Variants in NLGN1 observed in about 807,000 individuals in gnomAD.
The protein encoded by NLGN1 is neuroligin-1.
In NLGN1, 12 loss-of-function variants were observed where a neutral mutation model predicts 65.5. The ratio of observed to expected loss-of-function variants is 0.18; its 90% CI spans 0.12 to 0.30. The LOEUF (loss-of-function observed/expected upper bound fraction) is 0.30, where lower values mean the gene tolerates loss of function less well. Among genes scored for constraint, NLGN1 ranks in the 10% least tolerant of loss-of-function variants. The pLI is 1.00. For synonymous variants in NLGN1, 350 were observed against 359.5 expected (o/e 0.97, Z 0.30); for missense variants, 750 against 1,007.1 (o/e 0.74, Z 3.46).
intron 4 of NLGN1, among the ~76,000 whole-genome samples, chr3:174,127,765 A>G (rs888176967): frequency 5.3e-5 from 8 of 152,156 alleles, no homozygotes; most frequent in Non-Finnish European, 8.8e-5. Flanking sequence ...TTGAAATGCA[A>G]TAAGTTGGGT....
intron 2 of NLGN1, among the ~76,000 whole-genome samples, chr3:173,467,586 A>G (rs6771377): frequency 0.48 from 73,660 of 151,904 alleles, 20,440 homozygotes; most frequent in East Asian, 0.84. Context: ...AGACATTGCC[A>G]TCTTTATCAT....
At chr3:173,579,485 TAAAC>T (rs972730566) in intron 2 of NLGN1, among the ~76,000 whole-genome samples, 5 of 152,270 alleles carry the variant, frequency 3.3e-5, no homozygotes, top group African/African-American at 4.8e-5. Flanking sequence ...TCAAGATAAA[TAAAC>T]AAACAAACAA....
rs1553773404 is a variant in NLGN1 at position 173,605,047 on chromosome 3, G to GCGAA, written c.450_453dup (p.Asp152ArgfsTer13). 6.2e-7 allele frequency: 1 copy of GCGAA among 1,613,138 alleles called. No homozygotes were observed. ...GTTTCATCATATGTGCAAGACCAGA[G>GCGAA]CGAAGACTGCCTATATTTAAATATA... is the stretch of plus-strand genomic sequence containing the variant. On this transcript the variant is annotated frameshift_variant, in exon 3 of 7. Transcript: ENST00000457714. LOFTEE classifies it high-confidence loss of function.
At chr3:174,230,710 A>G (rs1740547697) in intron 4 of NLGN1, among the ~76,000 whole-genome samples, 1 of 152,130 alleles carries the variant, frequency 6.6e-6, no homozygotes, top group African/African-American at 2.4e-5. Context: ...AGGCAAGAGG[A>G]TCGTTTGTGC....
intron 2 of NLGN1, among the ~76,000 whole-genome samples, chr3:173,581,457 A>G (rs1194234983): frequency 1.3e-5 from 2 of 152,034 alleles, no homozygotes; most frequent in South Asian, 2.1e-4. Context: ...AACATGATCA[A>G]TCAGTTGATT....
rs539787895 is a variant in NLGN1 at position 174,278,318 on chromosome 3, G to A, written c.860-543G>A. On this transcript the variant is annotated intron_variant, in intron 5 of 6. Coordinates refer to ENST00000457714, the Ensembl canonical transcript of NLGN1. ...ATATTCTGTTTTGTGTGAATTCAGG[G>A]CCAACCCCAGGGTATAAACAAACAG... 9.2e-5 allele frequency among the ~76,000 whole-genome samples: 14 copies of A among 152,012 alleles called. No individual in the cohort carries two copies. The South Asian group carries it at 2.7e-3, about 29-fold the overall frequency.
chr3:174,081,525 G>T (rs1474662802), intron 4 of NLGN1, among the ~76,000 whole-genome samples: 1 of 151,550 alleles, frequency 6.6e-6, no homozygotes, highest in Non-Finnish European at 1.5e-5. Flanking sequence ...ATCAATGAGG[G>T]TTCCCCCAAC....
At chr3:174,123,805 T>C (rs1718288011) in intron 4 of NLGN1, among the ~76,000 whole-genome samples, 1 of 152,144 alleles carries the variant, frequency 6.6e-6, no homozygotes, top group South Asian at 2.1e-4. Context: ...AATCAACACA[T>C]CTGTTCAGCT....
intron 2 of NLGN1, among the ~76,000 whole-genome samples, chr3:173,562,736 T>C (rs1307618947): frequency 6.6e-6 from 1 of 152,186 alleles, no homozygotes; most frequent in Non-Finnish European, 1.5e-5. Flanking sequence ...ATTCAACTGA[T>C]CTGAAGTTCA....
intron 2 of NLGN1, among the ~76,000 whole-genome samples, chr3:173,539,679 C>CATACATATATGTACATATGCACATAT (rs1382376096): frequency 0.017 from 1,342 of 79,846 alleles, 70 homozygotes; most frequent in African/African-American, 0.087. Flanking sequence ...ACATATATAA[C>CATACATATATGTACATATGCACATAT]ATACATATAT....
intron 3 of NLGN1, among the ~76,000 whole-genome samples, chr3:173,783,953 A>T (rs941036113): frequency 1.3e-5 from 2 of 152,190 alleles, no homozygotes; most frequent in Non-Finnish European, 2.9e-5. Context: ...TGTTTCTTAA[A>T]GGTAGAAACT....
At chr3:174,176,178 T>C (rs941163642) in intron 4 of NLGN1, among the ~76,000 whole-genome samples, 1 of 151,920 alleles carries the variant, frequency 6.6e-6, no homozygotes, top group South Asian at 2.1e-4. Flanking sequence ...ACCCTATAAT[T>C]ATATGTATTT....
intron 3 of NLGN1, among the ~76,000 whole-genome samples, chr3:173,658,014 G>C (rs1228049947): frequency 6.6e-6 from 1 of 151,814 alleles, no homozygotes; most frequent in Non-Finnish European, 1.5e-5. Flanking sequence ...GAAAAAAATA[G>C]GTTTTAGGAA....
downstream of NLGN1, among the ~76,000 whole-genome samples, chr3:174,289,927 GTA>G (rs1221733255): frequency 2.1e-4 from 27 of 128,648 alleles, 1 homozygote; most frequent in South Asian, 1.7e-3. Context: ...ATATATATGT[GTA>G]TATATATATG....
intron 3 of NLGN1, among the ~76,000 whole-genome samples, chr3:173,783,029 A>G (rs2150329328): frequency 6.6e-6 from 1 of 152,312 alleles, no homozygotes; most frequent in East Asian, 1.9e-4. Context: ...TGTATAATTT[A>G]TAATTGCTAA....
At chr3:174,251,729 A>G (rs2152843318) in intron 4 of NLGN1, among the ~76,000 whole-genome samples, 1 of 152,348 alleles carries the variant, frequency 6.6e-6, no homozygotes, top group African/African-American at 2.4e-5. Context: ...GGCTCTGATC[A>G]ACAAATATCC....
chr3:173,848,219 A>G (rs929901959), intron 4 of NLGN1, among the ~76,000 whole-genome samples: 2 of 152,198 alleles, frequency 1.3e-5, no homozygotes, highest in Admixed American at 1.3e-4. Flanking sequence ...AAGACCCTAG[A>G]GGAATAGTTG....
chr3:173,919,365 A>C (rs1229868948), intron 4 of NLGN1, among the ~76,000 whole-genome samples: 2 of 152,214 alleles, frequency 1.3e-5, no homozygotes, highest in South Asian at 4.1e-4. Context: ...AGCATATTTC[A>C]AAGAGGACAG....
intron 3 of NLGN1, among the ~76,000 whole-genome samples, chr3:173,699,087 C>A (rs940898169): frequency 3.3e-5 from 5 of 152,212 alleles, no homozygotes; most frequent in African/African-American, 1.2e-4. Context: ...AATTCCCGAC[C>A]ACAGGTGATC....
Sources: gnomAD v4.1 joint callset for allele counts (sites outside exome capture counted in the v4.1 genomes callset) on GRCh38, gnomAD v4.1.1 for gene constraint, MANE v1.5 for transcripts, NCBI Gene and HGNC (gene_info 2026-07-23, HGNC 2026-07-21) for gene names.